AGBL4: variants seen among roughly 807,000 people sequenced by gnomAD.
The protein encoded by AGBL4 is cytosolic carboxypeptidase 6.
In AGBL4, 58 loss-of-function variants were observed where a neutral mutation model predicts 66.4. The ratio of observed to expected loss-of-function variants is 0.87; its 90% confidence interval spans 0.71 to 1.09. The LOEUF (loss-of-function observed/expected upper bound fraction) is 1.09. Ranked by LOEUF, AGBL4 falls within the 50% of genes least tolerant of loss-of-function variation. The pLI is 0.00. For synonymous variants in AGBL4, 234 were observed against 222.9 expected, an observed-to-expected ratio of 1.05 and a Z score of -0.44; for missense variants, 579 against 631.0, an observed-to-expected ratio of 0.92 and a Z score of 0.88.
At chr1:49,390,376 A>G (rs1644820522) in intron 3 of AGBL4, among the ~76,000 whole-genome samples, 2 of 152,174 alleles carry the variant, frequency 1.3e-5, no homozygotes, top group African/African-American at 4.8e-5. Flanking sequence ...GATAGGAAAA[A>G]CTGCATTTCA....
intron 2 of AGBL4, chr1:49,845,704 T>C (rs2148050283): frequency 5.0e-6 from 8 of 1,594,296 alleles, no homozygotes; most frequent in Non-Finnish European, 6.9e-6. Flanking sequence ...CCAGAGCACA[T>C]TCCTGACTGA....
rs569077506 is a variant in AGBL4, at chr1:48,704,588, T to C, written c.635-41347A>G. 7.2e-5 allele frequency among the ~76,000 whole-genome samples: 11 copies of C among 152,330 alleles called. No homozygotes were observed. The East Asian group carries it at 2.1e-3, about 29-fold the overall frequency. The stretch of plus-strand genomic sequence containing the variant: ...GTTTTTTTTACTCTTTAAACATTTT[T>C]GTTAAAAACTAAGACAGGAACACAC... On this transcript the variant is annotated intron_variant, in intron 6 of 13. Transcript: ENST00000371839.
At chr1:49,866,034 G>A in intron 1 of AGBL4, 1 of 258,502 alleles carries the variant, frequency 3.9e-6, no homozygotes, top group Non-Finnish European at 8.1e-6. Context: ...TCTTGCTGAA[G>A]TAAGACAGGG....
chr1:49,724,703 G>C (rs748614364), intron 2 of AGBL4, among the ~76,000 whole-genome samples: 7 of 152,066 alleles, frequency 4.6e-5, no homozygotes, highest in African/African-American at 1.4e-4. Flanking sequence ...AGTTAAATGA[G>C]GTTATAAGGG....
chr1:49,577,195 G>A (rs1644454418), intron 3 of AGBL4, among the ~76,000 whole-genome samples: 1 of 152,216 alleles, frequency 6.6e-6, no homozygotes, highest in Non-Finnish European at 1.5e-5. Context: ...TCACCAACAG[G>A]TGACCTCAGC....
intron 6 of AGBL4, among the ~76,000 whole-genome samples, chr1:48,676,003 C>T (rs988964310): frequency 1.6e-4 from 24 of 152,166 alleles, no homozygotes; most frequent in Non-Finnish European, 3.1e-4. Flanking sequence ...CCATTATGTG[C>T]TCCTCGAAAA....
chr1:50,022,753 C>T (rs990590363), intron 1 of AGBL4, among the ~76,000 whole-genome samples: 8 of 151,996 alleles, frequency 5.3e-5, no homozygotes, highest in Non-Finnish European at 1.5e-5. Flanking sequence ...TGCCAACACC[C>T]ATCACACACA....
intron 6 of AGBL4, among the ~76,000 whole-genome samples, chr1:48,757,074 G>A (rs1643973257): frequency 6.6e-6 from 1 of 152,158 alleles, no homozygotes; most frequent in Non-Finnish European, 1.5e-5. Flanking sequence ...AGAGGCTTAG[G>A]AGTGGTTTCT....
intron 4 of AGBL4, among the ~76,000 whole-genome samples, chr1:49,061,805 C>T (rs1644407766): frequency 6.6e-6 from 1 of 152,138 alleles, no homozygotes; most frequent in Non-Finnish European, 1.5e-5. Flanking sequence ...GGCAGAGCCT[C>T]TTACTGTCTG....
intron 3 of AGBL4, among the ~76,000 whole-genome samples, chr1:49,269,794 C>T (rs1323100417): frequency 6.6e-6 from 1 of 152,068 alleles, no homozygotes; most frequent in Non-Finnish European, 1.5e-5. Flanking sequence ...TCTATGTACA[C>T]GTTAATAAAT....
At chr1:49,820,484 T>G (rs1340320518) in intron 2 of AGBL4, among the ~76,000 whole-genome samples, 2 of 152,166 alleles carry the variant, frequency 1.3e-5, no homozygotes, top group African/African-American at 4.8e-5. Context: ...CCATCAACTG[T>G]GAGATGATGT....
chr1:48,821,548 C>T (rs1342236637), intron 6 of AGBL4, among the ~76,000 whole-genome samples: 1 of 152,050 alleles, frequency 6.6e-6, no homozygotes, highest in African/African-American at 2.4e-5. Context: ...ACAATGGACA[C>T]ATATGGATAT....
intron 5 of AGBL4, among the ~76,000 whole-genome samples, chr1:48,957,654 C>T (rs1235118323): frequency 6.6e-6 from 1 of 152,210 alleles, no homozygotes; most frequent in African/African-American, 2.4e-5. Context: ...AGCTGCTTCT[C>T]TTCCACTCCC....
chr1:49,373,018 C>A, intron 3 of AGBL4, among the ~76,000 whole-genome samples: 1 of 152,084 alleles, frequency 6.6e-6, no homozygotes, highest in Non-Finnish European at 1.5e-5. Context: ...GTCACCTTCC[C>A]AAAATGCTGG....
In AGBL4 at chr1:48,714,547, C is replaced by T. The variant is rs557676430; in HGVS notation, c.635-51306G>A. ...TGCTCCAGCCTTCCACATTTCTTGC[C>T]GGACTATTAAGCCCCCTCGTTTCTG... On this transcript the variant is annotated intron_variant, in intron 6 of 13. Coordinates refer to ENST00000371839, the MANE Select transcript of AGBL4 (RefSeq NM_032785.4). Among the ~76,000 whole-genome samples the T allele has an allele frequency of 1.2e-3, 181 of 152,370 alleles. 1 individual carries two copies. Among genetic ancestry groups the T allele is most frequent in the African/African-American group, 4.2e-3 (174 of 41,588 alleles).
chr1:48,614,802 G>A (rs963142539), intron 9 of AGBL4, among the ~76,000 whole-genome samples: 1 of 152,134 alleles, frequency 6.6e-6, no homozygotes, highest in African/African-American at 2.4e-5. Context: ...AAGTATGGGG[G>A]GAGGGTAAAG....
chr1:49,299,063 T>C (rs1051454176), intron 3 of AGBL4, among the ~76,000 whole-genome samples: 2 of 152,128 alleles, frequency 1.3e-5, no homozygotes, highest in Non-Finnish European at 2.9e-5. Context: ...CACGCCATAA[T>C]AAGTGCTTTA....
intron 2 of AGBL4, among the ~76,000 whole-genome samples, chr1:49,754,087 AC>A (rs1227021131): frequency 6.6e-6 from 1 of 151,938 alleles, no homozygotes; most frequent in Non-Finnish European, 1.5e-5. Context: ...CATCAAACTT[AC>A]CCTCTGTACG....
chr1:48,605,983 G>A (rs1455856204), intron 9 of AGBL4, among the ~76,000 whole-genome samples: 2 of 152,168 alleles, frequency 1.3e-5, no homozygotes, highest in African/African-American at 2.4e-5. Context: ...CAGTAATGGT[G>A]TGAGAAGAAA....
Sources: allele counts gnomAD v4.1 joint callset (sites outside exome capture counted in the v4.1 genomes callset), GRCh38; gene constraint gnomAD v4.1.1; transcripts MANE v1.5; gene names NCBI Gene and HGNC (gene_info 2026-07-23, HGNC 2026-07-21).